ACSS1: variants seen among roughly 807,000 people sequenced by gnomAD.
ACSS1 encodes the protein acyl-CoA synthetase short chain family member 1.
A neutral mutation model predicts 75.3 loss-of-function variants in ACSS1; 42 were observed. The observed-to-expected ratio is 0.56, with a 90% confidence interval of 0.44 to 0.72. ACSS1 has a LOEUF of 0.72. ACSS1 is among the 30% of genes least tolerant of loss of function. The probability of loss-of-function intolerance (pLI) is 0.00; values close to 1 mark genes in which losing one functional copy is unlikely to be tolerated. For synonymous variants in ACSS1, 380 were observed against 376.8 expected (o/e 1.01, Z -0.10); for missense variants, 782 against 935.7 (o/e 0.84, Z 2.14).
At chr20:25,026,109 G>C (rs559088909) in intron 3 of ACSS1, among the ~76,000 whole-genome samples, 2 of 152,306 alleles carry the variant, frequency 1.3e-5, no homozygotes, top group South Asian at 4.1e-4. Context: ...AATGAAGAGG[G>C]ATGGTCCAAC....
intron 12 of ACSS1, 174 bp downstream of exon 12, chr20:25,012,408 CAGAAACCCGACCGAACACG>C (rs2088425380): frequency 1.5e-6 from 1 of 674,858 alleles, no homozygotes. Context: ...CAGGGCATTT[CAGAAACCCGACCGAACACG>C]AGTGCTATTC....
intron 2 of ACSS1, among the ~76,000 whole-genome samples, chr20:25,039,504 C>T (rs576358669): frequency 6.6e-5 from 10 of 152,320 alleles, no homozygotes; most frequent in Admixed American, 2.6e-4. Context: ...AGTCCCCACA[C>T]GCATGGGGGT....
In ACSS1 at chr20:25,058,092, C is replaced by T; in HGVS notation, c.11G>A (p.Arg4His). Residue 4 changes from arginine (R) to histidine (H), a missense_variant, in exon 1 of 14, where the codon CGC becomes CAC. Physicochemically the swap from Arg to His is conservative, Grantham distance 29. Transcript: ENST00000323482. The part of the protein sequence containing the change: MAA[R>H]TLGRGVGRLL... ...CCTCCCGACGCCGCGGCCCAGGGTG[C>T]GCGCCGCCATCTAGGCAGGCTACCT... 1 of 1,251,744 alleles carries T rather than the reference C, an allele frequency of 8.0e-7. No homozygotes were observed. The highest frequency in any genetic ancestry group is 3.1e-5 in the South Asian group (1 of 32,298). The allele number at this position is 1,251,744 out of a possible 1,614,324, so 77.5% of individuals were successfully genotyped here.
At chr20:25,018,582 C>G (rs1354661341) in intron 7 of ACSS1, among the ~76,000 whole-genome samples, 2 of 152,164 alleles carry the variant, frequency 1.3e-5, no homozygotes, top group East Asian at 3.9e-4. Flanking sequence ...CACAGGCTGC[C>G]CTACTTGCTG....
rs1039161648 is a variant in ACSS1 at position 25,007,664 on chromosome 20, T to C, written c.*98A>G. The C allele has an allele frequency of 1.3e-6, 2 of 1,536,714 alleles. No homozygotes were observed. Among genetic ancestry groups the C allele is most frequent in the Non-Finnish European group, 1.7e-6 (2 of 1,145,144 alleles). On this transcript the variant is annotated 3_prime_UTR_variant, in exon 14 of 14. Coordinates refer to ENST00000323482, the MANE Select transcript of ACSS1 (RefSeq NM_032501.4). ...TCATGTGTGGGGTGGGGGCTGCTTCTGGGACGTAGGAAGACGCCAACCTCA... is the reference window on the plus strand; with the variant it reads ...TCATGTGTGGGGTGGGGGCTGCTTCCGGGACGTAGGAAGACGCCAACCTCA...
At position 25,047,815 on chromosome 20, in the gene ACSS1, A is replaced by T. The variant is rs140341723; in HGVS notation, c.431+270T>A. ...TAAGGAATCAGAGACTAAAAAGATC[A>T]GCTTAAAAACAAAACAACTCTACTA... On this transcript the variant is annotated intron_variant, in intron 2 of 13. Coordinates refer to ENST00000323482, the MANE Select transcript of ACSS1 (RefSeq NM_032501.4). 2.0e-3 allele frequency among the ~76,000 whole-genome samples: 296 copies of T among 150,704 alleles called. 1 individual carries two copies. Among genetic ancestry groups the T allele is most frequent in the African/African-American group, 7.2e-3 (286 of 39,976 alleles).
At position 25,022,935 on chromosome 20, in the gene ACSS1, T is replaced by C. The variant is rs764068564; in HGVS notation, c.960+5A>G. ...GGGCCCAGCACCGCCCGCACAGGCC[T>C]GTACCTTGTGAGTCAGGGCGGCATA... On this transcript the variant is annotated splice_donor_5th_base_variant and intron_variant, in intron 5 of 13. Coordinates refer to ENST00000323482, the MANE Select transcript of ACSS1 (RefSeq NM_032501.4). 6.2e-7 allele frequency: 1 copy of C among 1,611,240 alleles called. No homozygotes were observed.
chr20:25,047,251 C>T (rs1284327713), intron 2 of ACSS1, among the ~76,000 whole-genome samples: 3 of 152,180 alleles, frequency 2.0e-5, no homozygotes, highest in Non-Finnish European at 2.9e-5. Context: ...TCCTCCTCCA[C>T]GTCCCCTCGC....
chr20:25,023,924 T>C (rs918123503), intron 3 of ACSS1, among the ~76,000 whole-genome samples: 1 of 152,188 alleles, frequency 6.6e-6, no homozygotes, highest in African/African-American at 2.4e-5. Context: ...TAAAGACAAT[T>C]TCCCAACCAG....
chr20:25,013,794 C>A (rs1215848841), intron 9 of ACSS1, 132 bp from the exon 10 acceptor site: 2 of 1,371,698 alleles, frequency 1.5e-6, no homozygotes, highest in Non-Finnish European at 2.0e-6. Flanking sequence ...CCCCAAGCCA[C>A]CTGTGTGGCC....
intron 2 of ACSS1, among the ~76,000 whole-genome samples, chr20:25,043,648 A>G (rs1304721121): frequency 6.6e-6 from 1 of 152,180 alleles, no homozygotes; most frequent in Non-Finnish European, 1.5e-5. Context: ...ACCCCACCCA[A>G]TAAAAAGGCC....
At chr20:25,028,994 A>G in intron 3 of ACSS1, among the ~76,000 whole-genome samples, 1 of 152,208 alleles carries the variant, frequency 6.6e-6, no homozygotes, top group East Asian at 1.9e-4. Flanking sequence ...CAAATAATAC[A>G]GCAAAGACAC....
At position 25,022,937 on chromosome 20, in the gene ACSS1, T is replaced by TA; in HGVS notation, c.960+2dup. The TA allele has an allele frequency of 3.7e-6, 6 of 1,611,712 alleles. No individual in the cohort carries two copies. Among genetic ancestry groups the TA allele is most frequent in the Non-Finnish European group, 5.1e-6 (6 of 1,179,286 alleles). ...GCCCAGCACCGCCCGCACAGGCCTG[T>TA]ACCTTGTGAGTCAGGGCGGCATAGA... On this transcript the variant is annotated splice_region_variant and intron_variant, in intron 5 of 13. Coordinates refer to ENST00000323482, the MANE Select transcript of ACSS1 (RefSeq NM_032501.4).
chr20:25,007,097 G>A lies in ACSS1; in HGVS notation c.*665C>T. 1 of 1,412,388 alleles carries A rather than the reference G, an allele frequency of 7.1e-7. No individual in the cohort carries two copies. The allele number at this position is 1,412,388 out of a possible 1,614,324, so 87.5% of individuals were successfully genotyped here. A position where few individuals can be genotyped will look rare whatever the true frequency, so the allele number is the denominator to read the frequency against. ...CAAGCACAGGAGAAACACTCACCAG[G>A]AAAAGATGCCGGAGGCTTGGAAGTT... On this transcript the variant is annotated 3_prime_UTR_variant, in exon 14 of 14. Coordinates refer to ENST00000323482, the MANE Select transcript of ACSS1 (RefSeq NM_032501.4).
rs191403761 is a variant in ACSS1 at position 25,055,565 on chromosome 20, A to G, written c.334+2204T>C. On this transcript the variant is annotated intron_variant, in intron 1 of 13. Transcript: ENST00000323482. ...GTTCTCAAGCCCGAGTGTCCTCTGG[A>G]GCATCTGAAGGGCTCGTTATAAACA... Among the ~76,000 whole-genome samples, 20 of 152,326 alleles carry G rather than the reference A, an allele frequency of 1.3e-4. No homozygotes were observed. The East Asian group carries it at 3.9e-3, about 29-fold the overall frequency.
chr20:25,013,002 A>C, intron 10 of ACSS1, 63 bp from the exon 11 acceptor site: 1 of 1,609,614 alleles, frequency 6.2e-7, no homozygotes, highest in Non-Finnish European at 8.5e-7. Flanking sequence ...TCCCAACCTC[A>C]GTAAGCGTGA....
intron 12 of ACSS1, chr20:25,011,345 T>A (rs1244424435): frequency 6.6e-6 from 1 of 152,414 alleles, no homozygotes; most frequent in East Asian, 1.9e-4. Flanking sequence ...CCAGACACAG[T>A]GGACCATGCC....
At chr20:25,053,207 G>A (rs1238095719) in intron 1 of ACSS1, among the ~76,000 whole-genome samples, 1 of 150,710 alleles carries the variant, frequency 6.6e-6, no homozygotes, top group South Asian at 2.1e-4. Flanking sequence ...GGGACTACAG[G>A]TATGCACCAC....
In ACSS1 at chr20:25,007,041, C is replaced by A; in HGVS notation, c.*721G>T. Reference sequence around the variant, plus strand: ...AACTAAGGCGGCCACATTCACCCCACCGCTTAGGAGTTAGCTCCATTATAC... The same window carrying A: ...AACTAAGGCGGCCACATTCACCCCAACGCTTAGGAGTTAGCTCCATTATAC... On this transcript the variant is annotated 3_prime_UTR_variant, in exon 14 of 14. Transcript: ENST00000323482. 1 of 1,504,036 alleles carries A rather than the reference C, an allele frequency of 6.6e-7. No homozygotes were observed. Among genetic ancestry groups the A allele is most frequent in the South Asian group, 1.3e-5 (1 of 78,552 alleles). The allele number at this position is 1,504,036 out of a possible 1,614,324, so 93.2% of individuals were successfully genotyped here.
Sources: gnomAD v4.1 joint callset for allele counts (sites outside exome capture counted in the v4.1 genomes callset) on GRCh38, gnomAD v4.1.1 for gene constraint, MANE v1.5 for transcripts, NCBI Gene and HGNC (gene_info 2026-07-23, HGNC 2026-07-21) for gene names.